Variants in RAET1E observed in about 807,000 individuals in gnomAD.
RAET1E encodes NKG2D ligand 4.
RAET1E carries 27 observed loss-of-function variants against 21.1 expected under a neutral mutation model. The ratio of observed to expected loss-of-function variants is 1.28; its 90% CI spans 0.94 to 1.76. The LOEUF (loss-of-function observed/expected upper bound fraction) is 1.76. Among genes scored for constraint, RAET1E ranks in the 40% most tolerant of loss-of-function variants. RAET1E has a pLI of 0.00. For synonymous variants in RAET1E, 113 were observed against 115.0 expected, an observed-to-expected ratio of 0.98 and a Z score of 0.11; for missense variants, 310 against 311.3, an observed-to-expected ratio of 1.00 and a Z score of 0.03.
intron 3 of RAET1E, among the ~76,000 whole-genome samples, 193 bp from the exon 4 acceptor site, chr6:149,890,338 A>G (rs1015789155): frequency 2.0e-5 from 3 of 152,098 alleles, no homozygotes; most frequent in Non-Finnish European, 4.4e-5. Flanking sequence ...ACTTGATGGT[A>G]CCAGGGACCC....
At position 149,884,348 on chromosome 6, in the gene RAET1E, G is replaced by C. The variant is rs1016093692; in HGVS notation, c.*4150C>G. 1 of 785,880 alleles carries C rather than the reference G, an allele frequency of 1.3e-6. No homozygotes were observed. Among genetic ancestry groups the C allele is most frequent in the Non-Finnish European group, 2.1e-6 (1 of 483,848 alleles). 48.7% of individuals were successfully genotyped at this position (785,880 alleles called of 1,614,324 possible). ...AGACGGAGTCTTGCTCTGTTGCCAA[G>C]ACTGGAATGCAGAGGCGCGATCTCC... is the stretch of plus-strand genomic sequence containing the variant. On this transcript the variant is annotated 3_prime_UTR_variant, in exon 6 of 6. Transcript: ENST00000357183.
At chr6:149,894,687 A>G (rs1419924761) in intron 2 of RAET1E, among the ~76,000 whole-genome samples, 1 of 151,946 alleles carries the variant, frequency 6.6e-6, no homozygotes, top group Non-Finnish European at 1.5e-5. Flanking sequence ...ACCTTTTTTC[A>G]AGGTTCTTAT....
At position 149,889,555 on chromosome 6, in the gene RAET1E, G is replaced by T. The variant is rs368716381; in HGVS notation, c.415C>A (p.Gln139Lys). The T allele has an allele frequency of 5.6e-6, 9 of 1,614,048 alleles. No homozygotes were observed. In the African/African-American group the frequency reaches 1.2e-4, roughly 22 times the overall value. The change falls in exon 5 of 6, where the codon CAG becomes AAG. Residue 139 changes from glutamine (Q) to lysine (K), a missense_variant. Physicochemically the swap from Gln to Lys is moderately conservative, Grantham distance 53 (BLOSUM62 1). Coordinates refer to ENST00000357183, the MANE Select transcript of RAET1E (RefSeq NM_001394057.1). ...GATTTCTCTCCATTGGTGGCGAACT[G>T]CCAGGATGCACCAGTGCACCGTTCT... is the stretch of plus-strand genomic sequence containing the variant. ...EAERCTGASW[Q>K]FATNGEKSLL...
At position 149,888,772 on chromosome 6, in the gene RAET1E, G is replaced by A; in HGVS notation, c.623-105C>T. The A allele has an allele frequency of 2.1e-6, 3 of 1,445,478 alleles. No homozygotes were observed. The South Asian group carries it at 4.1e-5, about 20-fold the overall frequency. 89.5% of individuals were successfully genotyped at this position (1,445,478 alleles called of 1,614,324 possible). A position where few individuals can be genotyped will look rare whatever the true frequency, so the allele number is the denominator to read the frequency against. On this transcript the variant is annotated intron_variant, in intron 5 of 5. Coordinates refer to ENST00000357183, the MANE Select transcript of RAET1E (RefSeq NM_001394057.1). ...GCCCCTGCTTTCCCCAGGAACACATGGTGCCCCACATAATCACTGGCTCAT... is the reference window on the plus strand; with the variant it reads ...GCCCCTGCTTTCCCCAGGAACACATAGTGCCCCACATAATCACTGGCTCAT...
At chr6:149,894,093 G>T (rs1489085434) in intron 2 of RAET1E, among the ~76,000 whole-genome samples, 1 of 152,088 alleles carries the variant, frequency 6.6e-6, no homozygotes, top group African/African-American at 2.4e-5. Flanking sequence ...GTAATGCTGG[G>T]TTCGGTTTGC....
chr6:149,884,618 G>T lies in RAET1E; in HGVS notation c.*3880C>A. On this transcript the variant is annotated 3_prime_UTR_variant, in exon 6 of 6. Coordinates refer to ENST00000357183, the MANE Select transcript of RAET1E (RefSeq NM_001394057.1). The stretch of plus-strand genomic sequence containing the variant: ...CCTCTCTCTCAGGGAGAGATCAGCC[G>T]CTATTGTTCACATTCTGCCTCTCTG... 3.4e-6 allele frequency: 3 copies of T among 891,678 alleles called. No homozygotes were observed. The highest frequency in any genetic ancestry group is 5.3e-6 in the Non-Finnish European group (3 of 568,046). 55.2% of individuals were successfully genotyped at this position (891,678 alleles called of 1,614,324 possible).
Position 149,887,015 on chromosome 6 carries a change from C to T in RAET1E, c.*1483G>A, listed in dbSNP as rs79703089. 1.3e-5 allele frequency among the ~76,000 whole-genome samples: 2 copies of T among 152,170 alleles called. No homozygotes were observed. The highest frequency in any genetic ancestry group is 3.9e-4 in the East Asian group (2 of 5,188). On this transcript the variant is annotated 3_prime_UTR_variant, in exon 6 of 6. Coordinates refer to ENST00000357183, the MANE Select transcript of RAET1E (RefSeq NM_001394057.1). ...GAATTGTAATACACCTTTCCCCAGG[C>T]CCACTCTGCCTCCCACTTCTGTTCA...
Position 149,884,771 on chromosome 6 carries a change from C to G in RAET1E, c.*3727G>C, listed in dbSNP as rs138437481. 3.6e-3 allele frequency among the ~76,000 whole-genome samples: 542 copies of G among 152,338 alleles called. 1 individual carries two copies. The highest frequency in any genetic ancestry group is 5.8e-3 in the Non-Finnish European group (398 of 68,036). On this transcript the variant is annotated 3_prime_UTR_variant, in exon 6 of 6. Transcript: ENST00000357183. The stretch of plus-strand genomic sequence containing the variant: ...AGTGGGAACACAGTGGGAAGGCCCA[C>G]AGCGGGGGCAAGAGTCTTCCAGCTG...
chr6:149,886,249 A>T lies in RAET1E; in HGVS notation c.*2249T>A, dbSNP rs1390989512. On this transcript the variant is annotated 3_prime_UTR_variant, in exon 6 of 6. Coordinates refer to ENST00000357183, the MANE Select transcript of RAET1E (RefSeq NM_001394057.1). ...TTCCTTGTACTTTTTAATTTGATAT[A>T]TAGTTATTTGGAAGCATATTATTTG... 6.6e-6 allele frequency among the ~76,000 whole-genome samples: 1 copy of T among 152,186 alleles called. No homozygotes were observed. The highest frequency in any genetic ancestry group is 6.5e-5 in the Admixed American group (1 of 15,268).
At chr6:149,897,101 C>T (rs1053302831) in intron 1 of RAET1E, among the ~76,000 whole-genome samples, 5 of 152,212 alleles carry the variant, frequency 3.3e-5, no homozygotes, top group Non-Finnish European at 4.4e-5. Context: ...GGCATGAGCA[C>T]GGCTCACTGC....
In RAET1E at chr6:149,890,094, C is replaced by G; in HGVS notation, c.137G>C (p.Gly46Ala). Residue 46 changes from glycine (G) to alanine (A), a missense_variant, in exon 4 of 6, where the codon GGA becomes GCA. Physicochemically the swap from Gly to Ala is moderately conservative, Grantham distance 60. Coordinates refer to ENST00000357183, the MANE Select transcript of RAET1E (RefSeq NM_001394057.1). ...NFTIKSLSRP[G>A]QPWCEAQVFL... The stretch of plus-strand genomic sequence containing the variant: ...GACCTGCGCTTCACACCAGGGCTGT[C>G]CAGGTCTGGACAATGATTTTATAGT... 1 of 1,614,012 alleles carries G rather than the reference C, an allele frequency of 6.2e-7. No homozygotes were observed. The highest frequency in any genetic ancestry group is 1.1e-5 in the South Asian group (1 of 91,066).
Position 149,883,766 on chromosome 6 carries a change from A to G in RAET1E, c.*4732T>C, listed in dbSNP as rs1035997169. The stretch of plus-strand genomic sequence containing the variant: ...CATAATTTATACAGTCAGTTCTGCT[A>G]TATCAGGTTGTTTGAAAACCGTACT... On this transcript the variant is annotated 3_prime_UTR_variant, in exon 6 of 6. Transcript: ENST00000357183. The G allele has an allele frequency of 6.5e-6, 1 of 152,728 alleles. No homozygotes were observed. Among genetic ancestry groups the G allele is most frequent in the East Asian group, 1.9e-4 (1 of 5,204 alleles). The allele number at this position is 152,728 out of a possible 1,614,324, so 9.5% of individuals were successfully genotyped here. A position where few individuals can be genotyped will look rare whatever the true frequency, so the allele number is the denominator to read the frequency against.
At position 149,885,148 on chromosome 6, in the gene RAET1E, C is replaced by T. The variant is rs1268985788; in HGVS notation, c.*3350G>A. Among the ~76,000 whole-genome samples, 1 of 152,154 alleles carries T rather than the reference C, an allele frequency of 6.6e-6. No individual in the cohort carries two copies. The highest frequency in any genetic ancestry group is 2.1e-4 in the South Asian group (1 of 4,832). On this transcript the variant is annotated 3_prime_UTR_variant, in exon 6 of 6. Transcript: ENST00000357183. The stretch of plus-strand genomic sequence containing the variant: ...ATGGTCAGATCATCAAGCTGCTGCC[C>T]CACCCAAAATTGTGTCTTGCCCACC...
chr6:149,890,734 C>G, intron 3 of RAET1E, 83 bp downstream of exon 3: 2 of 915,726 alleles, frequency 2.2e-6, no homozygotes, highest in East Asian at 4.9e-5. Context: ...TTGTCTGAAG[C>G]CTGCATGAAG....
At chr6:149,894,073 G>A (rs1183600707) in intron 2 of RAET1E, among the ~76,000 whole-genome samples, 1 of 152,170 alleles carries the variant, frequency 6.6e-6, no homozygotes, top group Non-Finnish European at 1.5e-5. Context: ...TGGTGGATAA[G>A]CTTTTTGATG....
chr6:149,896,968 C>T (rs1778140012), intron 1 of RAET1E, among the ~76,000 whole-genome samples: 1 of 152,182 alleles, frequency 6.6e-6, no homozygotes, highest in Non-Finnish European at 1.5e-5. Flanking sequence ...CATTTTCCAA[C>T]TGCAAAATGT....
rs1777816012 is a variant in RAET1E at position 149,890,081 on chromosome 6, A to G, written c.150T>C (p.Cys50=). The G allele has an allele frequency of 6.8e-6, 11 of 1,614,078 alleles. No homozygotes were observed. The highest frequency in any genetic ancestry group is 9.3e-6 in the Non-Finnish European group (11 of 1,179,942). ...KSLSRPGQPW[C]EAQVFLNKNL... ...TTTTATTCAAGAAGACCTGCGCTTC[A>G]CACCAGGGCTGTCCAGGTCTGGACA... The change falls in exon 4 of 6, where the codon TGT becomes TGC. Residue 50 remains cysteine (C), a synonymous_variant. Transcript: ENST00000357183.
At position 149,889,498 on chromosome 6, in the gene RAET1E, T is replaced by C. The variant is rs757159362; in HGVS notation, c.472A>G (p.Thr158Ala). Residue 158 changes from threonine to alanine, a missense_variant, in exon 5 of 6, where the codon ACA becomes GCA. Coordinates refer to ENST00000357183, the MANE Select transcript of RAET1E (RefSeq NM_001394057.1). ...TTACTGGCTTCATGATTAATTACTG[T>C]CCAGGTCATGTTCATTGCGTCAAAG... is the stretch of plus-strand genomic sequence containing the variant. The part of the protein sequence containing the change: ...LLFDAMNMTW[T>A]VINHEASKIK... The C allele has an allele frequency of 1.4e-5, 22 of 1,614,090 alleles. No individual in the cohort carries two copies. The East Asian group carries it at 4.9e-4, about 36-fold the overall frequency.
At position 149,888,287 on chromosome 6, in the gene RAET1E, C is replaced by A. The variant is rs1055201341; in HGVS notation, c.*211G>T. On this transcript the variant is annotated 3_prime_UTR_variant, in exon 6 of 6. Coordinates refer to ENST00000357183, the MANE Select transcript of RAET1E (RefSeq NM_001394057.1). The stretch of plus-strand genomic sequence containing the variant: ...GCCGGATGGCAAGGAGACAACACCC[C>A]AGGCAGGCGTTCCAGATCTTTGACC... 7 of 725,000 alleles carry A rather than the reference C, an allele frequency of 9.7e-6. No homozygotes were observed. The African/African-American group carries it at 1.0e-4, about 11-fold the overall frequency. The allele number at this position is 725,000 out of a possible 1,614,324, so 44.9% of individuals were successfully genotyped here.
Sources: gnomAD v4.1 joint callset for allele counts (sites outside exome capture counted in the v4.1 genomes callset) on GRCh38, gnomAD v4.1.1 for gene constraint, MANE v1.5 for transcripts, NCBI Gene and HGNC (gene_info 2026-07-23, HGNC 2026-07-21) for gene names.